The following JAKMIP3 variants were observed in gnomAD, a reference collection of about 807,000 sequenced individuals.
JAKMIP3 encodes the protein janus kinase and microtubule-interacting protein 3.
In JAKMIP3, 58 loss-of-function variants were observed where a neutral mutation model predicts 118.5. The observed-to-expected ratio is 0.49, with a 90% CI of 0.40 to 0.61. The LOEUF (loss-of-function observed/expected upper bound fraction) is 0.61. Ranked by LOEUF, JAKMIP3 falls within the 20% of genes least tolerant of loss-of-function variation. The pLI is 0.00. For missense variants in JAKMIP3, 950 were observed against 1,109.0 expected, an observed-to-expected ratio of 0.86 and a Z score of 2.04; for synonymous variants, 486 against 451.2, an observed-to-expected ratio of 1.08 and a Z score of -0.98.
rs191670897 is a variant in JAKMIP3 at position 132,170,467 on chromosome 10, G to T, written c.*1103+1434G>T. 6.0e-4 allele frequency among the ~76,000 whole-genome samples: 91 copies of T among 152,302 alleles called. 2 individuals carry two copies. The East Asian group carries it at 0.014, about 24-fold the overall frequency. On this transcript the variant is annotated intron_variant, in intron 23 of 23. Coordinates refer to ENST00000684848, the MANE Select transcript of JAKMIP3 (RefSeq NM_001323087.2). ...CCAGGCCATGCTAAGCCCCGAGCAG[G>T]TTCCCACAACAGGTCACAGAGGGGA... is the stretch of plus-strand genomic sequence containing the variant.
chr10:132,036,787 CTGCGTCTGGCACGG>C (rs1394799747), intron 1 of JAKMIP3, among the ~76,000 whole-genome samples: 2 of 151,456 alleles, frequency 1.3e-5, no homozygotes, highest in African/African-American at 4.8e-5. Context: ...GGCCTCTGCG[CTGCGTCTGGCACGG>C]TGCGTCCGGG....
intron 23 of JAKMIP3, among the ~76,000 whole-genome samples, chr10:132,171,623 C>T (rs2059489649): frequency 6.6e-6 from 1 of 151,766 alleles, no homozygotes. Context: ...GCCTGCTTCC[C>T]CTGATGTCCC....
At chr10:132,042,026 C>T (rs1356696471) in intron 1 of JAKMIP3, among the ~76,000 whole-genome samples, 1 of 152,018 alleles carries the variant, frequency 6.6e-6, no homozygotes, top group Non-Finnish European at 1.5e-5. Context: ...GCCACCACAC[C>T]TGGCTAATTT....
chr10:132,047,636 C>T (rs61215331), intron 1 of JAKMIP3, among the ~76,000 whole-genome samples: 1 of 99,618 alleles, frequency 1.0e-5, no homozygotes, highest in Non-Finnish European at 2.1e-5. Flanking sequence ...TCCCCACCCC[C>T]CCCTGCGAGT....
rs2059161826 is a variant in JAKMIP3, at chr10:132,168,439, G to C, written c.*509G>C. On this transcript the variant is annotated 3_prime_UTR_variant, in exon 23 of 24. Coordinates refer to ENST00000684848, the MANE Select transcript of JAKMIP3 (RefSeq NM_001323087.2). Reference sequence around the variant, plus strand: ...GGTGACCTTCATTCAGGGGAACCTGGAGGCTCCCTGGGATGGTCCTGGGAG... The same window carrying C: ...GGTGACCTTCATTCAGGGGAACCTGCAGGCTCCCTGGGATGGTCCTGGGAG... 2.4e-6 allele frequency: 3 copies of C among 1,272,472 alleles called. No individual in the cohort carries two copies. Among genetic ancestry groups the C allele is most frequent in the Non-Finnish European group, 3.1e-6 (3 of 974,672 alleles). The allele number at this position is 1,272,472 out of a possible 1,614,324, so 78.8% of individuals were successfully genotyped here. A position where few individuals can be genotyped will look rare whatever the true frequency, so the allele number is the denominator to read the frequency against.
intron 1 of JAKMIP3, among the ~76,000 whole-genome samples, chr10:132,081,211 C>A (rs1244530799): frequency 6.6e-6 from 1 of 152,140 alleles, no homozygotes; most frequent in Non-Finnish European, 1.5e-5. Flanking sequence ...ACTATCATTT[C>A]CCCATTGAGT....
intron 3 of JAKMIP3, among the ~76,000 whole-genome samples, chr10:132,132,376 A>G (rs2050806126): frequency 6.6e-6 from 1 of 152,200 alleles, no homozygotes; most frequent in Non-Finnish European, 1.5e-5. Context: ...AATGATGCCC[A>G]AAGTGCCGAG....
rs12253014 is a variant in JAKMIP3, at chr10:132,165,374, G to A, written c.2490+639G>A. ...TTCAGGGCAGCGCTTGTTCTCCCACGTGGGGCTGGTTCAGTCATGTCTGGG... is the reference window on the plus strand; with the variant it reads ...TTCAGGGCAGCGCTTGTTCTCCCACATGGGGCTGGTTCAGTCATGTCTGGG... On this transcript the variant is annotated intron_variant, in intron 21 of 23. Coordinates refer to ENST00000684848, the MANE Select transcript of JAKMIP3 (RefSeq NM_001323087.2). Among the ~76,000 whole-genome samples, 1,002 of 152,324 alleles carry A rather than the reference G, an allele frequency of 6.6e-3. 11 individuals carry two copies. The highest frequency in any genetic ancestry group is 0.023 in the African/African-American group (945 of 41,572).
At chr10:132,151,754 C>A (rs186446436) in intron 16 of JAKMIP3, among the ~76,000 whole-genome samples, 5 of 152,106 alleles carry the variant, frequency 3.3e-5, no homozygotes, top group Admixed American at 2.0e-4. Context: ...CCAAGAGTGC[C>A]ACTGAGTGTG....
upstream of JAKMIP3, among the ~76,000 whole-genome samples, chr10:132,060,173 A>G (rs2038352159): frequency 6.6e-6 from 1 of 152,156 alleles, no homozygotes; most frequent in South Asian, 2.1e-4. Flanking sequence ...GTCTGTTTCC[A>G]CTAACTCTGG....
At chr10:132,109,049 C>G (rs1036986740) in intron 2 of JAKMIP3, among the ~76,000 whole-genome samples, 1 of 129,212 alleles carries the variant, frequency 7.7e-6, no homozygotes. Flanking sequence ...TATATACACA[C>G]ACATACATGC....
At chr10:132,177,070 T>C (rs2060210115) in intron 23 of JAKMIP3, among the ~76,000 whole-genome samples, 2 of 152,192 alleles carry the variant, frequency 1.3e-5, no homozygotes, top group African/African-American at 4.8e-5. Flanking sequence ...CTTGAAACCA[T>C]GAGTCCCCCT....
At chr10:132,041,885 A>AG (rs1468505981) in intron 1 of JAKMIP3, among the ~76,000 whole-genome samples, 1 of 144,700 alleles carries the variant, frequency 6.9e-6, no homozygotes, top group Non-Finnish European at 1.5e-5. Flanking sequence ...TTTTTCTTTG[A>AG]GAAAAAGTTT....
upstream of JAKMIP3, among the ~76,000 whole-genome samples, chr10:132,062,346 C>T (rs2038422879): frequency 6.6e-6 from 1 of 152,208 alleles, no homozygotes; most frequent in Admixed American, 6.5e-5. Context: ...GCCCTGCCAC[C>T]TCCCATTCAA....
At chr10:132,113,193 C>T (rs767250482) in intron 2 of JAKMIP3, among the ~76,000 whole-genome samples, 7 of 152,080 alleles carry the variant, frequency 4.6e-5, no homozygotes, top group Non-Finnish European at 8.8e-5. Flanking sequence ...TGTGAATGGC[C>T]GAAAGCATTA....
At chr10:132,067,474 C>G (rs1173290016) in intron 1 of JAKMIP3, among the ~76,000 whole-genome samples, 1 of 152,254 alleles carries the variant, frequency 6.6e-6, no homozygotes, top group Non-Finnish European at 1.5e-5. Flanking sequence ...AGGTGGTGGT[C>G]CCACAGCAAG....
At chr10:132,061,291 G>A (rs533526838), upstream of JAKMIP3, among the ~76,000 whole-genome samples, 10 of 151,868 alleles carry the variant, frequency 6.6e-5, no homozygotes, top group East Asian at 5.9e-4. Flanking sequence ...CTGCCGTGAC[G>A]GCACACACAC....
intron 1 of JAKMIP3, among the ~76,000 whole-genome samples, chr10:132,075,796 A>T (rs952086204): frequency 6.6e-6 from 1 of 152,198 alleles, no homozygotes; most frequent in South Asian, 2.1e-4. Context: ...GAATAAAAAT[A>T]AAAAAGTCTT....
upstream of JAKMIP3, among the ~76,000 whole-genome samples, chr10:132,062,463 G>A (rs73395743): frequency 0.11 from 16,043 of 152,184 alleles, 934 homozygotes; most frequent in Middle Eastern, 0.18. Context: ...CTAACTCCCC[G>A]TCAGCCAGGA....
Sources: allele counts gnomAD v4.1 joint callset (sites outside exome capture counted in the v4.1 genomes callset), GRCh38; gene constraint gnomAD v4.1.1; transcripts MANE v1.5; gene names NCBI Gene and HGNC (gene_info 2026-07-23, HGNC 2026-07-21).